RBMS3: variants seen among roughly 807,000 people sequenced by gnomAD.
The protein encoded by RBMS3 is RNA-binding motif, single-stranded-interacting protein 3.
In RBMS3, 27 loss-of-function variants were observed where a neutral mutation model predicts 66.8. That is an observed-to-expected ratio of 0.40 (90% CI 0.30 to 0.56). The LOEUF (loss-of-function observed/expected upper bound fraction) is 0.56. RBMS3 is among the 20% of genes least tolerant of loss of function. The pLI is 0.40. For synonymous variants in RBMS3, 188 were observed against 183.0 expected (o/e 1.03, Z -0.22); for missense variants, 513 against 549.5 (o/e 0.93, Z 0.66).
intron 12 of RBMS3, among the ~76,000 whole-genome samples, chr3:29,974,311 G>A (rs148906958): frequency 3.9e-5 from 6 of 151,978 alleles, no homozygotes; most frequent in African/African-American, 1.2e-4. Flanking sequence ...AAAAGAGAAC[G>A]TTGGTACCTT....
intron 2 of RBMS3, among the ~76,000 whole-genome samples, chr3:29,479,991 C>T (rs1431856500): frequency 6.6e-6 from 1 of 152,168 alleles, no homozygotes; most frequent in Non-Finnish European, 1.5e-5. Flanking sequence ...CCTAAAAATA[C>T]TTTCAGAGAA....
intron 3 of RBMS3, among the ~76,000 whole-genome samples, chr3:29,550,914 A>G (rs1159317705): frequency 6.6e-6 from 1 of 152,242 alleles, no homozygotes; most frequent in Non-Finnish European, 1.5e-5. Flanking sequence ...TGGCCTAAGT[A>G]TAACTGCAAT....
intron 1 of RBMS3, among the ~76,000 whole-genome samples, chr3:29,302,212 A>G (rs1292063227): frequency 6.6e-6 from 1 of 151,802 alleles, no homozygotes; most frequent in Non-Finnish European, 1.5e-5. Context: ...AATTATCACT[A>G]TATTGTCCAA....
rs763499094 is a variant in RBMS3, at chr3:29,596,966, A to G, written c.399+9761A>G. ...AATTCACTATCCTAATGAATTATTC[A>G]GAACCTAATTCCTGAGCTCACAAAC... On this transcript the variant is annotated intron_variant, in intron 4 of 14. Coordinates refer to ENST00000383767, the MANE Select transcript of RBMS3 (RefSeq NM_001003793.3). Among the ~76,000 whole-genome samples, 161 of 152,322 alleles carry G rather than the reference A, an allele frequency of 1.1e-3. 1 individual carries two copies. The highest frequency in any genetic ancestry group is 1.8e-3 in the Admixed American group (27 of 15,286).
intron 4 of RBMS3, among the ~76,000 whole-genome samples, chr3:29,691,561 T>C (rs2052009705): frequency 6.6e-6 from 1 of 152,184 alleles, no homozygotes; most frequent in South Asian, 2.1e-4. Flanking sequence ...CTACTCATCT[T>C]AGAAAGAAAA....
At chr3:29,798,929 G>GTTTTTTTTTTTTT (rs368923260) in intron 6 of RBMS3, among the ~76,000 whole-genome samples, 2 of 127,702 alleles carry the variant, frequency 1.6e-5, no homozygotes, top group Non-Finnish European at 3.2e-5. Flanking sequence ...GTACCCTCTG[G>GTTTTTTTTTTTTT]TTTTTTTTTT....
chr3:29,342,501 T>G (rs927598679), intron 1 of RBMS3, among the ~76,000 whole-genome samples: 1 of 152,146 alleles, frequency 6.6e-6, no homozygotes, highest in African/African-American at 2.4e-5. Flanking sequence ...TTTAGAATCA[T>G]TGAAAAAAGT....
chr3:29,781,095 C>T (rs1398809413), intron 6 of RBMS3, among the ~76,000 whole-genome samples: 2 of 151,378 alleles, frequency 1.3e-5, no homozygotes, highest in Non-Finnish European at 2.9e-5. Context: ...AGGTATGTCT[C>T]CTAATGCTAT....
At chr3:29,897,848 A>G (rs774902772) in intron 9 of RBMS3, among the ~76,000 whole-genome samples, 18 of 151,196 alleles carry the variant, frequency 1.2e-4, no homozygotes, top group Non-Finnish European at 5.9e-5. Context: ...TCCTTCACTC[A>G]CTCCAGGATA....
At chr3:29,344,103 A>C (rs1272262520) in intron 1 of RBMS3, among the ~76,000 whole-genome samples, 2 of 151,870 alleles carry the variant, frequency 1.3e-5, no homozygotes, top group African/African-American at 2.4e-5. Flanking sequence ...AAGAAATTAC[A>C]TTTTTCTCCC....
intron 3 of RBMS3, among the ~76,000 whole-genome samples, chr3:29,530,751 A>G (rs1359037006): frequency 6.6e-6 from 1 of 151,782 alleles, no homozygotes; most frequent in Non-Finnish European, 1.5e-5. Flanking sequence ...GGCTGCCTGT[A>G]ATCCCAGCTA....
intron 3 of RBMS3, among the ~76,000 whole-genome samples, chr3:29,518,879 T>G (rs1291378720): frequency 6.6e-6 from 1 of 152,200 alleles, no homozygotes; most frequent in Non-Finnish European, 1.5e-5. Flanking sequence ...ATGATAGGGC[T>G]ACTTCTGTGA....
chr3:29,527,931 A>G (rs2045197427), intron 3 of RBMS3, among the ~76,000 whole-genome samples: 1 of 151,594 alleles, frequency 6.6e-6, no homozygotes, highest in South Asian at 2.1e-4. Flanking sequence ...AAATAAATAA[A>G]TAAAAATAAA....
At chr3:29,882,980 T>C (rs2059771562) in intron 7 of RBMS3, among the ~76,000 whole-genome samples, 1 of 152,082 alleles carries the variant, frequency 6.6e-6, no homozygotes, top group African/African-American at 2.4e-5. Flanking sequence ...CTCCCAATTG[T>C]TATATTTTAA....
intron 1 of RBMS3, among the ~76,000 whole-genome samples, chr3:29,374,086 A>G (rs1208245331): frequency 6.6e-6 from 1 of 152,196 alleles, no homozygotes; most frequent in Non-Finnish European, 1.5e-5. Flanking sequence ...CTTGCAGAGA[A>G]GGGGAAATGT....
intron 4 of RBMS3, among the ~76,000 whole-genome samples, chr3:29,632,735 A>G (rs974553353): frequency 2.6e-5 from 4 of 152,006 alleles, no homozygotes; most frequent in Admixed American, 6.6e-5. Flanking sequence ...AACGAGATTT[A>G]TGAATGTAGA....
intron 2 of RBMS3, among the ~76,000 whole-genome samples, chr3:29,475,336 C>T (rs1000962414): frequency 1.3e-5 from 2 of 151,608 alleles, no homozygotes; most frequent in East Asian, 1.9e-4. Flanking sequence ...GCAACCTCCA[C>T]CTCCCAGATT....
intron 1 of RBMS3, among the ~76,000 whole-genome samples, chr3:29,430,074 G>A (rs1320363343): frequency 2.0e-5 from 3 of 151,932 alleles, no homozygotes; most frequent in African/African-American, 4.8e-5. Flanking sequence ...CAGGCATTCC[G>A]GGAACTTTCT....
At chr3:29,685,333 T>C (rs2051682065) in intron 4 of RBMS3, among the ~76,000 whole-genome samples, 1 of 152,234 alleles carries the variant, frequency 6.6e-6, no homozygotes, top group Non-Finnish European at 1.5e-5. Flanking sequence ...AGTGCTGGCA[T>C]TACAGGCGCG....
Sources: gnomAD v4.1 joint callset for allele counts (sites outside exome capture counted in the v4.1 genomes callset) on GRCh38, gnomAD v4.1.1 for gene constraint, MANE v1.5 for transcripts, NCBI Gene and HGNC (gene_info 2026-07-23, HGNC 2026-07-21) for gene names.